The following NPIPB2 variants were observed in gnomAD, a reference collection of about 807,000 sequenced individuals.
NPIPB2 encodes nuclear pore complex interacting protein family member B2.
In NPIPB2, 27 loss-of-function variants were observed where a neutral mutation model predicts 30.8. The ratio of observed to expected loss-of-function variants is 0.88; its 90% CI spans 0.65 to 1.21. NPIPB2 has a LOEUF of 1.21. NPIPB2 is among the 50% of genes most tolerant of loss of function. NPIPB2 has a pLI of 0.00. For missense variants in NPIPB2, 440 were observed against 446.2 expected, an observed-to-expected ratio of 0.99 and a Z score of 0.13; for synonymous variants, 147 against 162.0, an observed-to-expected ratio of 0.91 and a Z score of 0.70.
At chr16:11,930,540 A>G (rs1426541005) in exon 5 of NPIPB2, 5 of 1,584,014 alleles carry the variant, frequency 3.2e-6, no homozygotes, top group Admixed American at 3.4e-5. Flanking sequence ...ACATTCTTTC[A>G]CGCTTAGTTT....
At chr16:11,927,751 A>T (rs1190384578) in exon 8 of NPIPB2, 1 of 1,597,210 alleles carries the variant, frequency 6.3e-7, no homozygotes, top group Non-Finnish European at 8.5e-7. Context: ...GGGAGTTATC[A>T]GTTATAGAAT....
chr16:11,943,096 C>T (rs1050029894), upstream of NPIPB2, among the ~76,000 whole-genome samples: 2 of 152,046 alleles, frequency 1.3e-5, no homozygotes, highest in African/African-American at 2.4e-5. Flanking sequence ...CCGAGGTGGG[C>T]GGATCACAAG....
At chr16:11,964,229 G>GTTT (rs11570128) in intron 1 of NPIPB2, among the ~76,000 whole-genome samples, 17,625 of 151,802 alleles carry the variant, frequency 0.12, 1,479 homozygotes, top group African/African-American at 0.21. Flanking sequence ...TTTTAAAATG[G>GTTT]TTTTATCTGC....
At chr16:11,967,650 G>A (rs770349402) in intron 1 of NPIPB2, 8 of 1,614,146 alleles carry the variant, frequency 5.0e-6, no homozygotes, top group South Asian at 2.2e-5. Context: ...GAGAGGCCTC[G>A]AGTACACGGT....
chr16:11,966,439 T>C (rs1466175978), intron 1 of NPIPB2: 1 of 1,243,852 alleles, frequency 8.0e-7, no homozygotes, highest in Non-Finnish European at 1.1e-6. Context: ...TTTCACTTCG[T>C]TACAGCCCTT....
In NPIPB2 at chr16:11,941,736, T is replaced by A. The variant is rs185618856; in HGVS notation, c.63+247A>T. ...GCCTCACAATGGACGTGCCTCACAA[T>A]GGACATGCCAAGTAGCGCCCGCATC... On this transcript the variant is annotated intron_variant, in intron 1 of 7. Transcript: ENST00000399147. The A allele has an allele frequency of 8.7e-4, 703 of 812,378 alleles. 2 individuals carry two copies. The highest frequency in any genetic ancestry group is 1.0e-3 in the Non-Finnish European group (508 of 505,426). 50.3% of individuals were successfully genotyped at this position (812,378 alleles called of 1,614,324 possible).
intron 1 of NPIPB2, among the ~76,000 whole-genome samples, chr16:11,960,194 C>T (rs1328404478): frequency 6.6e-6 from 1 of 152,142 alleles, no homozygotes; most frequent in African/African-American, 2.4e-5. Context: ...TTCTGTTGCT[C>T]TAGGCTCTTA....
chr16:11,954,526 C>T (rs756215309), intron 1 of NPIPB2, among the ~76,000 whole-genome samples: 2 of 150,074 alleles, frequency 1.3e-5, no homozygotes, highest in East Asian at 2.0e-4. Context: ...TTTAAAAAGA[C>T]GCTTTTATGT....
upstream of NPIPB2, among the ~76,000 whole-genome samples, chr16:11,945,510 A>G (rs1235638981): frequency 2.0e-5 from 3 of 151,920 alleles, no homozygotes; most frequent in Non-Finnish European, 4.4e-5. Flanking sequence ...CCCCATCTCT[A>G]CTAAAAATAC....
intron 1 of NPIPB2, among the ~76,000 whole-genome samples, chr16:11,969,208 T>C (rs1324190817): frequency 6.6e-6 from 1 of 152,082 alleles, no homozygotes; most frequent in Non-Finnish European, 1.5e-5. Flanking sequence ...CTCTCCGATA[T>C]ACATACATAC....
chr16:11,975,625 CT>C (rs947220373), intron 1 of NPIPB2, among the ~76,000 whole-genome samples: 2 of 151,942 alleles, frequency 1.3e-5, no homozygotes, highest in African/African-American at 4.8e-5. Flanking sequence ...GAGTCTCACT[CT>C]GTCACCCAGG....
intron 1 of NPIPB2, among the ~76,000 whole-genome samples, chr16:11,940,734 T>C (rs1201427121): frequency 8.7e-6 from 1 of 114,622 alleles, no homozygotes; most frequent in Non-Finnish European, 1.7e-5. Context: ...CACTCCAGCC[T>C]GGGCGACAGA....
At chr16:11,976,096 C>T (rs1418699470) in intron 1 of NPIPB2, among the ~76,000 whole-genome samples, 1 of 152,056 alleles carries the variant, frequency 6.6e-6, no homozygotes, top group Non-Finnish European at 1.5e-5. Context: ...CTTCCTCTGG[C>T]CTGCAAGGCC....
chr16:11,946,570 C>G (rs960122930), upstream of NPIPB2, among the ~76,000 whole-genome samples: 6 of 151,804 alleles, frequency 4.0e-5, no homozygotes, highest in African/African-American at 1.5e-4. Context: ...GAGACCATAT[C>G]TTTAAGAAAA....
intron 1 of NPIPB2, among the ~76,000 whole-genome samples, chr16:11,964,770 C>T (rs191399460): frequency 3.9e-5 from 6 of 152,220 alleles, no homozygotes. Flanking sequence ...GCCATGTTGC[C>T]CAGGCTGATT....
rs921486937 is a variant in NPIPB2, at chr16:11,960,354, T to G, written c.-584+16214A>C. ...TTCTGGCTTCCCAGGTATGGTTCCC[T>G]TTTTTTTTTTTTTTTTTTGAGACAG... is the stretch of plus-strand genomic sequence containing the variant. On this transcript the variant is annotated intron_variant, in intron 1 of 5. Transcript: ENST00000538896. Among the ~76,000 whole-genome samples, 27 of 49,820 alleles carry G rather than the reference T, an allele frequency of 5.4e-4. No individual in the cohort carries two copies. The South Asian group carries it at 0.039, about 73-fold the overall frequency. 32.7% of individuals were successfully genotyped at this position (49,820 alleles called of 152,430 possible).
intron 2 of NPIPB2, among the ~76,000 whole-genome samples, chr16:11,934,521 C>G (rs1357479074): frequency 1.4e-5 from 2 of 141,356 alleles, no homozygotes; most frequent in Non-Finnish European, 1.5e-5. Context: ...CCATTGCACT[C>G]CAACCTGGGC....
At chr16:11,947,076 T>G (rs202001199) in intron 1 of NPIPB2, among the ~76,000 whole-genome samples, 1 of 80,840 alleles carries the variant, frequency 1.2e-5, no homozygotes, top group Admixed American at 1.0e-4. Flanking sequence ...TATATAAACA[T>G]ATATATAATA....
At chr16:11,948,766 C>CAAAAAAAAAAAA (rs34639444) in intron 1 of NPIPB2, among the ~76,000 whole-genome samples, 7 of 67,242 alleles carry the variant, frequency 1.0e-4, no homozygotes, top group Non-Finnish European at 1.9e-4. Flanking sequence ...GACTCCGTCT[C>CAAAAAAAAAAAA]AAAAAAAAAA....
Sources: allele counts gnomAD v4.1 joint callset (sites outside exome capture counted in the v4.1 genomes callset), GRCh38; gene constraint gnomAD v4.1.1; transcripts MANE v1.5; gene names NCBI Gene and HGNC (gene_info 2026-07-23, HGNC 2026-07-21).